XKR6: variants seen among roughly 807,000 people sequenced by gnomAD.
XKR6 encodes the protein XK-related protein 6.
In XKR6, 22 loss-of-function variants were observed where a neutral mutation model predicts 56.7. The ratio of observed to expected loss-of-function variants is 0.39; its 90% confidence interval spans 0.28 to 0.55. The LOEUF (loss-of-function observed/expected upper bound fraction) is 0.55. Ranked by LOEUF, XKR6 falls within the 20% of genes least tolerant of loss-of-function variation. The pLI, the probability that XKR6 is intolerant of heterozygous loss-of-function variation, is 0.66. For missense variants in XKR6, 852 were observed against 889.0 expected (o/e 0.96, Z 0.53); for synonymous variants, 524 against 387.8 (o/e 1.35, Z -4.13).
intron 1 of XKR6, among the ~76,000 whole-genome samples, chr8:11,064,836 G>A (rs192989041): frequency 1.6e-3 from 237 of 152,246 alleles, no homozygotes; most frequent in African/African-American, 5.4e-3. Context: ...TATTGTCACT[G>A]GGCACAAAAT....
chr8:11,066,487 G>C (rs1799981549), intron 1 of XKR6, among the ~76,000 whole-genome samples: 1 of 152,206 alleles, frequency 6.6e-6, no homozygotes, highest in African/African-American at 2.4e-5. Flanking sequence ...CTGCACCTTT[G>C]TGGATGTGGC....
chr8:11,151,214 T>C (rs1801252618), intron 1 of XKR6, among the ~76,000 whole-genome samples: 1 of 152,194 alleles, frequency 6.6e-6, no homozygotes, highest in African/African-American at 2.4e-5. Context: ...AGTAGAGAAT[T>C]TCTACTAGTG....
At chr8:11,128,881 T>C (rs1388151809) in intron 1 of XKR6, 1 of 456,784 alleles carries the variant, frequency 2.2e-6, no homozygotes, top group Non-Finnish European at 4.4e-6. Flanking sequence ...CCATCATCTC[T>C]TGCCTTGGTC....
chr8:11,178,898 A>C (rs1585023725), intron 1 of XKR6, among the ~76,000 whole-genome samples: 1 of 151,798 alleles, frequency 6.6e-6, no homozygotes, highest in Non-Finnish European at 1.5e-5. Flanking sequence ...AGTAGAGTGC[A>C]GTGGCACAAT....
At chr8:10,926,934 G>C (rs1329639654) in intron 1 of XKR6, among the ~76,000 whole-genome samples, 1 of 152,176 alleles carries the variant, frequency 6.6e-6, no homozygotes, top group African/African-American at 2.4e-5. Flanking sequence ...GAGAGATAGA[G>C]GCAGAGACAT....
intron 2 of XKR6, among the ~76,000 whole-genome samples, chr8:10,912,444 AGT>A (rs1240411437): frequency 4.6e-5 from 4 of 86,364 alleles, no homozygotes; most frequent in African/African-American, 2.0e-4. Flanking sequence ...ACGATAGGTG[AGT>A]GTATATATAT....
intron 1 of XKR6, among the ~76,000 whole-genome samples, chr8:11,134,987 G>A (rs1800306940): frequency 6.6e-6 from 1 of 151,262 alleles, no homozygotes; most frequent in Non-Finnish European, 1.5e-5. Flanking sequence ...GATTGTATTT[G>A]TTTATTTTAA....
intron 1 of XKR6, among the ~76,000 whole-genome samples, chr8:11,053,288 C>A (rs1337234069): frequency 6.6e-6 from 1 of 152,222 alleles, no homozygotes; most frequent in African/African-American, 2.4e-5. Context: ...TCCAAAGTCT[C>A]TAAAGTCTCT....
chr8:11,107,032 G>C (rs1798704658), intron 1 of XKR6, among the ~76,000 whole-genome samples: 1 of 151,766 alleles, frequency 6.6e-6, no homozygotes, highest in African/African-American at 2.4e-5. Flanking sequence ...CATCCCCAGA[G>C]CAAAACATGA....
At chr8:11,079,670 C>G (rs191663963) in intron 1 of XKR6, among the ~76,000 whole-genome samples, 2 of 152,264 alleles carry the variant, frequency 1.3e-5, no homozygotes, top group African/African-American at 4.8e-5. Context: ...TGTGATAAAC[C>G]AATAAGGGAC....
At chr8:11,126,935 C>G (rs117481280) in intron 1 of XKR6, among the ~76,000 whole-genome samples, 2 of 152,142 alleles carry the variant, frequency 1.3e-5, no homozygotes, top group South Asian at 4.1e-4. Flanking sequence ...TGTAGGCATG[C>G]CACACAGCAA....
At chr8:11,008,753 C>G (rs865933386) in intron 1 of XKR6, among the ~76,000 whole-genome samples, 13 of 152,074 alleles carry the variant, frequency 8.5e-5, no homozygotes, top group African/African-American at 2.4e-4. Context: ...GGACACATGT[C>G]TGGGCTGAGT....
intron 1 of XKR6, among the ~76,000 whole-genome samples, chr8:11,143,837 G>A (rs1333474468): frequency 6.6e-6 from 1 of 152,178 alleles, no homozygotes; most frequent in Non-Finnish European, 1.5e-5. Flanking sequence ...CAGACTGGGT[G>A]ACTTCAACAA....
rs1471308538 is a variant in XKR6 at position 11,200,906 on chromosome 8, G to C, written c.434C>G (p.Thr145Ser). ...GTAGTCGAGGGCCAGCCACAGGTCG[G>C]TGCCCACGTCCCCGAAGAACACCAG... The part of the protein sequence containing the change: ...ALLVFFGDVG[T>S]DLWLALDYYR... The change falls in exon 1 of 3, where the codon ACC becomes AGC. Residue 145 changes from threonine to serine, a missense_variant. Around this residue, in one of 4 missense-constraint regions of XKR6, gnomAD observed 417 missense variants for 355.2 expected, o/e 1.17. Coordinates refer to ENST00000416569, the MANE Select transcript of XKR6 (RefSeq NM_173683.4). The surrounding 1 kb of genome is among the most constrained non-coding windows in gnomAD (Gnocchi z 6.4). 2 of 1,609,840 alleles carry C rather than the reference G, an allele frequency of 1.2e-6. No homozygotes were observed. The highest frequency in any genetic ancestry group is 1.3e-5 in the African/African-American group (1 of 74,702).
intron 1 of XKR6, among the ~76,000 whole-genome samples, chr8:11,101,561 A>T (rs1473003777): frequency 6.6e-6 from 1 of 152,204 alleles, no homozygotes; most frequent in East Asian, 1.9e-4. Context: ...AATTTTTACT[A>T]ACCACCTTCT....
intron 1 of XKR6, among the ~76,000 whole-genome samples, chr8:11,110,574 T>G (rs1798849488): frequency 6.6e-6 from 1 of 152,196 alleles, no homozygotes. Context: ...CATTTCCAAG[T>G]TGCTCTGAAT....
intron 1 of XKR6, among the ~76,000 whole-genome samples, chr8:11,119,178 T>G (rs959467508): frequency 1.3e-5 from 2 of 152,296 alleles, no homozygotes; most frequent in South Asian, 4.1e-4. Flanking sequence ...GAGAGACAGT[T>G]TGTTATAATT....
rs1359409074 is a variant in XKR6 at position 11,200,654 on chromosome 8, C to T, written c.686G>A (p.Gly229Glu). The T allele has an allele frequency of 1.3e-6, 2 of 1,553,248 alleles. No individual in the cohort carries two copies. Residue 229 changes from glycine to glutamate, a missense_variant, in exon 1 of 3, where the codon GGG (glycine) becomes GAG (glutamate). Coordinates refer to ENST00000416569, the MANE Select transcript of XKR6 (RefSeq NM_173683.4). The surrounding 1 kb of genome is among the most constrained non-coding windows in gnomAD (Gnocchi z 6.4). ...GGAGAGGCGACACAGGCGCTGCGCCCCCGGCGTGGGGGAGACCCTCACGCC... is the reference window on the plus strand; with the variant it reads ...GGAGAGGCGACACAGGCGCTGCGCCTCCGGCGTGGGGGAGACCCTCACGCC... ...GPGVRVSPTP[G>E]AQRLCRLSVW...
intron 1 of XKR6, among the ~76,000 whole-genome samples, chr8:11,011,072 G>A (rs976272392): frequency 6.6e-6 from 1 of 152,234 alleles, no homozygotes; most frequent in African/African-American, 2.4e-5. Context: ...AGAAAGCTGA[G>A]GCTTGGGCCA....
Sources: allele counts gnomAD v4.1 joint callset (sites outside exome capture counted in the v4.1 genomes callset), GRCh38; gene constraint gnomAD v4.1.1; regional missense constraint gnomAD v4.1.1; non-coding constraint Gnocchi (gnomAD v3.1); transcripts MANE v1.5; gene names NCBI Gene and HGNC (gene_info 2026-07-23, HGNC 2026-07-21).